The following ZNF469 variants were observed in gnomAD, a reference collection of about 807,000 sequenced individuals.
ZNF469 encodes zinc finger protein 469.
A neutral mutation model predicts 1.0 loss-of-function variants in ZNF469; 1 was observed. The ratio of observed to expected loss-of-function variants is 1.00; its 90% confidence interval spans 0.35 to 4.73. ZNF469 has a LOEUF of 4.73. ZNF469 is among the 30% of genes most tolerant of loss of function. The pLI is 0.16. For missense variants in ZNF469, 6,100 were observed against 5,356.3 expected (o/e 1.14, Z -4.33); for synonymous variants, 2,703 against 2,363.4 (o/e 1.14, Z -4.17).
chr16:88,125,349 AAAG>A, the ZNF469 span, among the ~76,000 whole-genome samples: 126 of 152,346 alleles, frequency 8.3e-4, no homozygotes, highest in Admixed American at 7.5e-3. Flanking sequence ...TCAGAAATTC[AAAG>A]AAGAATTGGT....
chr16:88,226,461 A>T, the ZNF469 span, among the ~76,000 whole-genome samples: 3 of 151,890 alleles, frequency 2.0e-5, no homozygotes, highest in East Asian at 5.9e-4. Flanking sequence ...AAGGGAGCAG[A>T]CCCTTCCCAG....
chr16:88,327,764 G>C, the ZNF469 span, among the ~76,000 whole-genome samples: 124 of 151,898 alleles, frequency 8.2e-4, no homozygotes, highest in African/African-American at 2.7e-3. Context: ...CGCACCACAG[G>C]TGTCATCCGG....
the ZNF469 span, among the ~76,000 whole-genome samples, chr16:88,108,924 G>A: frequency 2.0e-5 from 3 of 152,276 alleles, no homozygotes; most frequent in East Asian, 1.9e-4. Flanking sequence ...AAGACATCTC[G>A]ACGGCAGCCT....
At chr16:88,119,629 C>T in the ZNF469 span, among the ~76,000 whole-genome samples, 70 of 152,212 alleles carry the variant, frequency 4.6e-4, no homozygotes, top group Non-Finnish European at 9.0e-4. Context: ...GGTGGAGACA[C>T]AGGTGCCGGA....
rs896245801 is a variant in ZNF469, at chr16:88,435,832, G to C, written c.8362G>C (p.Gly2788Arg). 9 of 1,550,388 alleles carry C rather than the reference G, an allele frequency of 5.8e-6. No homozygotes were observed. The highest frequency in any genetic ancestry group is 7.8e-6 in the Non-Finnish European group (9 of 1,146,950). Residue 2788 changes from glycine to arginine, a missense_variant, in exon 3 of 3, where the codon GGT becomes CGT. By Grantham distance (125) the Gly-to-Arg change is moderately radical (BLOSUM62 -2). Coordinates refer to ENST00000565624, the MANE Select transcript of ZNF469 (RefSeq NM_001367624.2). ...CAGGGCCCACAGCCGATCAGAGGAA[G>C]GTGTCTGGGAGGAGAACACGCCCCC... Reference protein sequence around the residue: ...SSRAHSRSEEGVWEENTPPLG... With the variant: ...SSRAHSRSEERVWEENTPPLG...
the ZNF469 span, among the ~76,000 whole-genome samples, chr16:88,351,555 G>A: frequency 6.6e-6 from 1 of 152,146 alleles, no homozygotes; most frequent in South Asian, 2.1e-4. Context: ...CTCCCCAGGC[G>A]GCCTGTGATG....
At position 88,435,542 on chromosome 16, in the gene ZNF469, A is replaced by G. The variant is rs573064293; in HGVS notation, c.8072A>G (p.Gln2691Arg). Reference protein sequence around the residue: ...VEGGPEADGEQPPRLATLGPG... With the variant: ...VEGGPEADGERPPRLATLGPG... ...GGAGGGCCTGAGGCTGACGGGGAGC[A>G]GCCGCCTCGCTTGGCCACTCTGGGA... Residue 2691 changes from glutamine to arginine, a missense_variant, in exon 3 of 3, where the codon CAG becomes CGG. Coordinates refer to ENST00000565624, the MANE Select transcript of ZNF469 (RefSeq NM_001367624.2). 62 of 1,549,674 alleles carry G rather than the reference A, an allele frequency of 4.0e-5. 1 individual carries two copies. The South Asian group carries it at 7.4e-4, about 18-fold the overall frequency.
At chr16:88,256,685 G>C in the ZNF469 span, among the ~76,000 whole-genome samples, 8 of 152,126 alleles carry the variant, frequency 5.3e-5, no homozygotes, top group African/African-American at 1.9e-4. Flanking sequence ...ATGAGTGAGA[G>C]TTCCTGTTGC....
In ZNF469 at chr16:88,430,044, G is replaced by A. The variant is rs74384633; in HGVS notation, c.2574G>A (p.Pro858=). ...GCATGGAGTACCAGTCGGACAACCCGGAGATCGACAGCAGCTTCATCGACG... is the reference window on the plus strand; with the variant it reads ...GCATGGAGTACCAGTCGGACAACCCAGAGATCGACAGCAGCTTCATCGACG... The part of the protein sequence containing the change: ...LNGMEYQSDN[P]EIDSSFIDVF... Residue 858 remains proline, a synonymous_variant, in exon 3 of 3, where the codon CCG becomes CCA. Coordinates refer to ENST00000565624, the MANE Select transcript of ZNF469 (RefSeq NM_001367624.2). 4.5e-6 allele frequency: 7 copies of A among 1,550,366 alleles called. No homozygotes were observed. The highest frequency in any genetic ancestry group is 2.4e-5 in the South Asian group (2 of 84,070).
the ZNF469 span, among the ~76,000 whole-genome samples, chr16:88,377,814 G>A: frequency 3.3e-5 from 5 of 152,322 alleles, no homozygotes; most frequent in South Asian, 1.0e-3. Context: ...TGCAGGTGCT[G>A]TGCTCTGTAG....
chr16:88,232,863 G>A, the ZNF469 span, among the ~76,000 whole-genome samples: 3 of 152,352 alleles, frequency 2.0e-5, no homozygotes, highest in East Asian at 1.9e-4. Flanking sequence ...TTCTGGGCAC[G>A]TCGCATATTG....
the ZNF469 span, among the ~76,000 whole-genome samples, chr16:88,338,263 T>G: frequency 7.3e-6 from 1 of 136,056 alleles, no homozygotes; most frequent in Non-Finnish European, 1.5e-5. Context: ...AGCTGCTGAC[T>G]GTAGTGCAGT....
the ZNF469 span, among the ~76,000 whole-genome samples, chr16:88,272,736 G>A: frequency 4.3e-5 from 6 of 139,532 alleles, no homozygotes; most frequent in East Asian, 4.5e-4. Flanking sequence ...ACGAGTGGAC[G>A]GATGGATGAA....
chr16:88,171,299 G>C, the ZNF469 span, among the ~76,000 whole-genome samples: 1 of 152,166 alleles, frequency 6.6e-6, no homozygotes, highest in Admixed American at 6.5e-5. Flanking sequence ...CCTGTTCCAG[G>C]AGCATGTTGA....
chr16:88,289,895 C>T, the ZNF469 span, among the ~76,000 whole-genome samples: 1 of 152,292 alleles, frequency 6.6e-6, no homozygotes, highest in East Asian at 1.9e-4. Context: ...CATTGCCTAA[C>T]CAGAAAATAG....
At position 88,436,131 on chromosome 16, in the gene ZNF469, C is replaced by T. The variant is rs1056123192; in HGVS notation, c.8661C>T (p.Leu2887=). The T allele has an allele frequency of 1.3e-6, 2 of 1,548,286 alleles. No individual in the cohort carries two copies. The highest frequency in any genetic ancestry group is 1.7e-4 in the Middle Eastern group (1 of 5,762). ...VYGKRCEKPV[L]PLPTQPSFEE... ...GGAAGCGCTGTGAGAAGCCGGTGCTCCCGCTGCCAACCCAGCCCAGCTTTG... is the reference window on the plus strand; with the variant it reads ...GGAAGCGCTGTGAGAAGCCGGTGCTTCCGCTGCCAACCCAGCCCAGCTTTG... Residue 2887 remains leucine, a synonymous_variant, in exon 3 of 3, where the codon CTC becomes CTT. Transcript: ENST00000565624.
In ZNF469 at chr16:88,434,119, G is replaced by T. The variant is rs1906396481; in HGVS notation, c.6649G>T (p.Gly2217Trp). ...KEALAGCLLQ[G>W]EGSPLEDPSS... ...AGCCCTGGCTGGTTGCCTTCTCCAG[G>T]GGGAGGGCAGCCCCCTGGAAGACCC... The change falls in exon 3 of 3, where the codon GGG (glycine) becomes TGG (tryptophan). Residue 2217 changes from glycine to tryptophan, a missense_variant. Gly to Trp is a radical substitution (Grantham distance 184). Coordinates refer to ENST00000565624, the MANE Select transcript of ZNF469 (RefSeq NM_001367624.2). 6.5e-7 allele frequency: 1 copy of T among 1,550,344 alleles called. No homozygotes were observed. Among genetic ancestry groups the T allele is most frequent in the East Asian group, 2.4e-5 (1 of 40,920 alleles).
the ZNF469 span, among the ~76,000 whole-genome samples, chr16:88,340,016 G>A: frequency 6.6e-6 from 1 of 152,034 alleles, no homozygotes; most frequent in Non-Finnish European, 1.5e-5. Context: ...TGAGCATGCA[G>A]GGGACAGGTG....
chr16:88,259,206 G>C, the ZNF469 span, among the ~76,000 whole-genome samples: 7 of 152,344 alleles, frequency 4.6e-5, no homozygotes, highest in South Asian at 8.3e-4. The surrounding 1 kb of genome is among the most constrained non-coding windows in gnomAD (Gnocchi z 4.1). Context: ...CCACCGGCTT[G>C]TGAGTGGGAA....
Sources: gnomAD v4.1 joint callset for allele counts (sites outside exome capture counted in the v4.1 genomes callset) on GRCh38, gnomAD v4.1.1 for gene constraint, Gnocchi (gnomAD v3.1) non-coding constraint, MANE v1.5 for transcripts, NCBI Gene and HGNC (gene_info 2026-07-23, HGNC 2026-07-21) for gene names.